BMAL1: variants seen among roughly 807,000 people sequenced by gnomAD.
BMAL1 encodes the protein basic helix-loop-helix ARNT-like protein 1.
At chr11:13,348,723 CATT>C in the BMAL1 span, among the ~76,000 whole-genome samples, 1 of 152,184 alleles carries the variant, frequency 6.6e-6, no homozygotes, top group South Asian at 2.1e-4. Context: ...TTTCTGGTCA[CATT>C]ATTTGCATGT....
chr11:13,307,327 A>G, the BMAL1 span, among the ~76,000 whole-genome samples: 1 of 152,214 alleles, frequency 6.6e-6, no homozygotes, highest in African/African-American at 2.4e-5. Context: ...AGTGAATGAC[A>G]AGAGGTGTCA....
the BMAL1 span, among the ~76,000 whole-genome samples, chr11:13,326,906 G>A: frequency 1.3e-5 from 2 of 151,962 alleles, no homozygotes; most frequent in Non-Finnish European, 2.9e-5. Flanking sequence ...TGCAAGCTCT[G>A]CTTCCCGGGT....
the BMAL1 span, among the ~76,000 whole-genome samples, chr11:13,370,119 C>G: frequency 1.3e-5 from 2 of 152,306 alleles, no homozygotes; most frequent in South Asian, 4.1e-4. Flanking sequence ...TTGTTAAATG[C>G]GATGAACATT....
chr11:13,279,088 C>G, the BMAL1 span, among the ~76,000 whole-genome samples: 1 of 152,216 alleles, frequency 6.6e-6, no homozygotes, highest in East Asian at 1.9e-4. Context: ...ACCTCCTGAC[C>G]CCTCTCCCCT....
chr11:13,288,729 AG>A, the BMAL1 span, among the ~76,000 whole-genome samples: 1 of 152,160 alleles, frequency 6.6e-6, no homozygotes, highest in Non-Finnish European at 1.5e-5. Flanking sequence ...ACCTGACAGG[AG>A]GCTGCTAGAT....
At chr11:13,333,841 G>C in the BMAL1 span, among the ~76,000 whole-genome samples, 8 of 152,218 alleles carry the variant, frequency 5.3e-5, no homozygotes, top group Admixed American at 5.2e-4. Context: ...AGGTCGGTAG[G>C]CATGGCACAA....
At chr11:13,377,220 A>T in the BMAL1 span, among the ~76,000 whole-genome samples, 1 of 151,992 alleles carries the variant, frequency 6.6e-6, no homozygotes, top group Non-Finnish European at 1.5e-5. Context: ...GCCCCCATCG[A>T]TGACTCCCAC....
the BMAL1 span, chr11:13,356,596 T>G: frequency 1.1e-6 from 1 of 907,612 alleles, no homozygotes; most frequent in Non-Finnish European, 1.6e-6. Context: ...TTACCCTTAT[T>G]ATACATCATT....
At chr11:13,326,642 T>C in the BMAL1 span, among the ~76,000 whole-genome samples, 1 of 152,148 alleles carries the variant, frequency 6.6e-6, no homozygotes, top group East Asian at 1.9e-4. Context: ...ACCTTGGGCA[T>C]GCTACTTAAT....
At chr11:13,328,205 G>A in the BMAL1 span, among the ~76,000 whole-genome samples, 11 of 152,182 alleles carry the variant, frequency 7.2e-5, no homozygotes, top group East Asian at 2.1e-3. Context: ...CAGACTAGTA[G>A]GAATTTTATT....
At chr11:13,318,101 C>G in the BMAL1 span, among the ~76,000 whole-genome samples, 1 of 152,340 alleles carries the variant, frequency 6.6e-6, no homozygotes, top group South Asian at 2.1e-4. Context: ...TTTCTCCAGC[C>G]TGCCTCCGGC....
the BMAL1 span, chr11:13,356,799 G>A: frequency 6.2e-7 from 1 of 1,614,064 alleles, no homozygotes; most frequent in East Asian, 2.2e-5. Flanking sequence ...CTAGTAATTT[G>A]AACTTCAGCA....
At chr11:13,306,128 C>T in the BMAL1 span, among the ~76,000 whole-genome samples, 2 of 151,930 alleles carry the variant, frequency 1.3e-5, no homozygotes. Context: ...CTGCTCCATC[C>T]TGCTGGGAGT....
the BMAL1 span, among the ~76,000 whole-genome samples, chr11:13,318,558 T>G: frequency 6.3e-3 from 940 of 149,192 alleles, 15 homozygotes; most frequent in African/African-American, 0.021. Context: ...TTTTTTTTTT[T>G]TTTTTTTTTT....
At chr11:13,283,546 G>A in the BMAL1 span, among the ~76,000 whole-genome samples, 6 of 152,126 alleles carry the variant, frequency 3.9e-5, no homozygotes, top group African/African-American at 1.2e-4. Context: ...ATTTGTGCTG[G>A]TGAACTCCAG....
the BMAL1 span, chr11:13,355,015 G>A: frequency 1.5e-5 from 6 of 404,796 alleles, no homozygotes; most frequent in Non-Finnish European, 2.7e-5. Context: ...GTTTGAGTAA[G>A]TAAATTTTCA....
the BMAL1 span, among the ~76,000 whole-genome samples, chr11:13,285,998 C>G: frequency 6.6e-6 from 1 of 152,140 alleles, no homozygotes; most frequent in Non-Finnish European, 1.5e-5. Context: ...ATGTGCACAA[C>G]CATCTTAAAA....
chr11:13,307,829 C>T, the BMAL1 span, among the ~76,000 whole-genome samples: 1 of 152,142 alleles, frequency 6.6e-6, no homozygotes, highest in Non-Finnish European at 1.5e-5. Context: ...GACTCTCCTG[C>T]CCCCAGCCTG....
the BMAL1 span, chr11:13,380,216 A>G: frequency 4.6e-5 from 7 of 152,226 alleles, no homozygotes; most frequent in Non-Finnish European, 1.0e-4. Flanking sequence ...GCATGCTGAG[A>G]ATACATGATA....
Sources: gnomAD v4.1 joint callset for allele counts (sites outside exome capture counted in the v4.1 genomes callset) on GRCh38, gnomAD v4.1.1 for gene constraint, MANE v1.5 for transcripts, NCBI Gene and HGNC (gene_info 2026-07-23, HGNC 2026-07-21) for gene names.